Variants in GRAMD1B observed in about 807,000 individuals in gnomAD.
GRAMD1B encodes the protein GRAM domain containing 1B.
GRAMD1B carries 37 observed loss-of-function variants against 99.7 expected under a neutral mutation model. That is an observed-to-expected ratio of 0.37 (90% CI 0.29 to 0.49). The LOEUF is 0.49. Ranked by LOEUF, GRAMD1B falls within the 20% of genes least tolerant of loss-of-function variation. The pLI is 0.98. For synonymous variants in GRAMD1B, 427 were observed against 387.6 expected, an observed-to-expected ratio of 1.10 and a Z score of -1.19; for missense variants, 888 against 1,009.2, an observed-to-expected ratio of 0.88 and a Z score of 1.63.
chr11:123,378,742 T>C (rs1396311847), intron 1 of GRAMD1B, among the ~76,000 whole-genome samples: 1 of 152,210 alleles, frequency 6.6e-6, no homozygotes, highest in Non-Finnish European at 1.5e-5. Context: ...CTTCTGAGGG[T>C]AATTCATGTG....
intron 1 of GRAMD1B, among the ~76,000 whole-genome samples, chr11:123,381,006 A>G (rs1405822196): frequency 6.6e-6 from 1 of 151,546 alleles, no homozygotes; most frequent in East Asian, 1.9e-4. Flanking sequence ...TTCTCTTCCT[A>G]TAGATAGAAC....
chr11:123,536,301 G>A (rs1218972267), intron 2 of GRAMD1B, among the ~76,000 whole-genome samples: 2 of 152,156 alleles, frequency 1.3e-5, no homozygotes, highest in Admixed American at 1.3e-4. Flanking sequence ...TGTAATCCAA[G>A]CTACTTGGGA....
intron 6 of GRAMD1B, among the ~76,000 whole-genome samples, 168 bp from the exon 7 acceptor site, chr11:123,595,774 T>C (rs1313557718): frequency 1.3e-5 from 2 of 152,194 alleles, no homozygotes; most frequent in Non-Finnish European, 2.9e-5. Context: ...GTCTGCCCAC[T>C]GTGAAATAAA....
chr11:123,360,143 G>C (rs947518241), intron 1 of GRAMD1B, among the ~76,000 whole-genome samples: 4 of 152,200 alleles, frequency 2.6e-5, no homozygotes, highest in African/African-American at 9.6e-5. Flanking sequence ...CTGCTTCCCA[G>C]TGTAACACAC....
chr11:123,604,408 AG>A (rs747891732), intron 9 of GRAMD1B, among the ~76,000 whole-genome samples: 4 of 152,220 alleles, frequency 2.6e-5, no homozygotes, highest in Non-Finnish European at 5.9e-5. Flanking sequence ...AGCCACGGGA[AG>A]GAAGTGAAGC....
At chr11:123,449,193 C>A (rs538809473) in intron 1 of GRAMD1B, among the ~76,000 whole-genome samples, 3 of 152,198 alleles carry the variant, frequency 2.0e-5, no homozygotes, top group Non-Finnish European at 2.9e-5. Context: ...AAGCATCCTG[C>A]ACTGGAGTGT....
At chr11:123,614,896 C>A in intron 17 of GRAMD1B, 61 bp downstream of exon 17, 1 of 949,374 alleles carries the variant, frequency 1.1e-6, no homozygotes, top group East Asian at 2.6e-5. Context: ...GCCTGGTGCC[C>A]CAGCCCTCGT....
chr11:123,422,919 C>A (rs1371099629), intron 1 of GRAMD1B, among the ~76,000 whole-genome samples: 1 of 140,464 alleles, frequency 7.1e-6, no homozygotes, highest in Non-Finnish European at 1.5e-5. Context: ...AATTGTAGTT[C>A]TTGGACTGGT....
intron 19 of GRAMD1B, among the ~76,000 whole-genome samples, chr11:123,620,682 G>A (rs1275080): frequency 0.096 from 14,615 of 152,156 alleles, 901 homozygotes; most frequent in Admixed American, 0.18. Flanking sequence ...AAGGGAACAC[G>A]AGGGTGAGGA....
intron 1 of GRAMD1B, among the ~76,000 whole-genome samples, chr11:123,421,049 C>T (rs1035374380): frequency 2.0e-5 from 3 of 152,126 alleles, no homozygotes; most frequent in African/African-American, 2.4e-5. Context: ...GGCAAGACCA[C>T]GTAAGTTAAT....
intron 3 of GRAMD1B, among the ~76,000 whole-genome samples, chr11:123,583,799 A>G (rs926945421): frequency 1.3e-5 from 2 of 152,076 alleles, no homozygotes; most frequent in African/African-American, 4.8e-5. Context: ...GGTACAGCCC[A>G]TTTTTTGGCG....
At chr11:123,578,311 G>C in intron 3 of GRAMD1B, 1 of 1,006,110 alleles carries the variant, frequency 9.9e-7, no homozygotes, top group Non-Finnish European at 1.5e-6. Context: ...AGGCATGGGA[G>C]CTGGCTTCCC....
rs866062141 is a variant in GRAMD1B at position 123,622,530 on chromosome 11, C to A, written c.2569C>A (p.Gln857Lys). 6.4e-7 allele frequency: 1 copy of A among 1,556,708 alleles called. No homozygotes were observed. Among genetic ancestry groups the A allele is most frequent in the Non-Finnish European group, 8.7e-7 (1 of 1,149,880 alleles). Residue 857 changes from glutamine to lysine, a missense_variant, in exon 20 of 20, where the codon CAG (glutamine) becomes AAG (lysine). By Grantham distance (53) the Gln-to-Lys change is moderately conservative. Around this residue, in one of 5 missense-constraint regions of GRAMD1B, gnomAD observed 232 missense variants for 261.7 expected, o/e 0.89. Transcript: ENST00000635736. ...DQMKDSLINL[Q>K]NGIRSRDYTS... ...GATGAAGGACTCGCTCATCAACCTTCAGAACGGCATCAGGTCCCGCGACTA... is the reference window on the plus strand; with the variant it reads ...GATGAAGGACTCGCTCATCAACCTTAAGAACGGCATCAGGTCCCGCGACTA...
At chr11:123,524,588 C>T (rs866560786) in intron 2 of GRAMD1B, among the ~76,000 whole-genome samples, 2 of 152,142 alleles carry the variant, frequency 1.3e-5, no homozygotes, top group Non-Finnish European at 2.9e-5. Context: ...GGATCCGCCT[C>T]CTTGGGCTCC....
chr11:123,573,351 C>A (rs770139773), intron 2 of GRAMD1B, among the ~76,000 whole-genome samples: 2 of 152,150 alleles, frequency 1.3e-5, no homozygotes, highest in Non-Finnish European at 2.9e-5. Context: ...GAAAAAAATG[C>A]CAAATCCTCT....
chr11:123,514,533 A>G (rs1365767055), intron 2 of GRAMD1B, among the ~76,000 whole-genome samples: 1 of 152,204 alleles, frequency 6.6e-6, no homozygotes, highest in African/African-American at 2.4e-5. Context: ...GGGTGCAGAG[A>G]TCTGTTAGAG....
chr11:123,456,919 CAAAAA>C (rs546768047), intron 1 of GRAMD1B, among the ~76,000 whole-genome samples: 1 of 81,826 alleles, frequency 1.2e-5, no homozygotes, highest in African/African-American at 4.7e-5. Flanking sequence ...GACTCTGTCT[CAAAAA>C]AAAAAAAAAA....
At chr11:123,456,239 A>T (rs935264248) in intron 1 of GRAMD1B, among the ~76,000 whole-genome samples, 48 of 152,188 alleles carry the variant, frequency 3.2e-4, no homozygotes, top group African/African-American at 1.2e-3. Context: ...TAGAATGAGC[A>T]ACTGTTAACA....
intron 1 of GRAMD1B, among the ~76,000 whole-genome samples, chr11:123,364,741 A>T (rs774934765): frequency 3.5e-4 from 54 of 152,164 alleles, no homozygotes; most frequent in Non-Finnish European, 1.8e-4. Context: ...TCTCAGTGGC[A>T]GCCCTACAAG....
Sources: gnomAD v4.1 joint callset for allele counts (sites outside exome capture counted in the v4.1 genomes callset) on GRCh38, gnomAD v4.1.1 for gene constraint, gnomAD v4.1.1 regional missense constraint, MANE v1.5 for transcripts, NCBI Gene and HGNC (gene_info 2026-07-23, HGNC 2026-07-21) for gene names.